Variants in GPHN observed in about 807,000 individuals in gnomAD.
GPHN encodes the protein gephyrin.
GPHN carries 17 observed loss-of-function variants against 95.5 expected under a neutral mutation model. The observed-to-expected ratio is 0.18, with a 90% CI of 0.12 to 0.27. GPHN has a LOEUF of 0.27. Ranked by LOEUF, GPHN falls within the 10% of genes least tolerant of loss-of-function variation. GPHN has a pLI of 1.00. For missense variants in GPHN, 660 were observed against 978.1 expected (o/e 0.67, Z 4.34); for synonymous variants, 320 against 322.5 (o/e 0.99, Z 0.08).
intron 8 of GPHN, among the ~76,000 whole-genome samples, chr14:66,925,704 A>G (rs765755968): frequency 6.6e-6 from 1 of 152,074 alleles, no homozygotes; most frequent in Non-Finnish European, 1.5e-5. Context: ...TAATGCTGCA[A>G]TACACATGGA....
chr14:67,584,730 A>G, the GPHN span, among the ~76,000 whole-genome samples: 1 of 152,208 alleles, frequency 6.6e-6, no homozygotes, highest in African/African-American at 2.4e-5. Context: ...AGGTTATAAG[A>G]AGTGAGAAAA....
the GPHN span, chr14:67,336,701 C>G: frequency 2.2e-6 from 1 of 455,730 alleles, no homozygotes; most frequent in Admixed American, 2.4e-5. Context: ...ATTTCCTCAT[C>G]TGCAAAGTGG....
intron 5 of GPHN, among the ~76,000 whole-genome samples, chr14:66,887,240 A>G (rs1244105030): frequency 6.6e-6 from 1 of 152,142 alleles, no homozygotes; most frequent in African/African-American, 2.4e-5. Context: ...TCTCCCATGT[A>G]ACAGGGGAGG....
the GPHN span, among the ~76,000 whole-genome samples, chr14:67,443,921 C>G: frequency 1.4e-4 from 21 of 152,196 alleles, no homozygotes; most frequent in African/African-American, 5.1e-4. Context: ...AAAAGTCAAG[C>G]TGGGAACTGC....
chr14:66,577,051 G>A lies in GPHN; in HGVS notation c.64+68460G>A, dbSNP rs112246937. Among the ~76,000 whole-genome samples the A allele has an allele frequency of 3.1e-3, 467 of 152,190 alleles. 3 individuals carry two copies. The highest frequency in any genetic ancestry group is 9.7e-3 in the South Asian group (47 of 4,824). ...ACTGAAAAAAATAGTCTATAGCAGC[G>A]CATCTGTAATTTTCATTTCAGTTTA... On this transcript the variant is annotated intron_variant, in intron 1 of 22. Transcript: ENST00000478722.
At chr14:66,722,978 A>T (rs2070891282) in intron 2 of GPHN, among the ~76,000 whole-genome samples, 1 of 151,954 alleles carries the variant, frequency 6.6e-6, no homozygotes, top group African/African-American at 2.4e-5. Flanking sequence ...ACAAACCCAC[A>T]TCCTTCATTC....
chr14:67,155,578 A>C (rs1567418767), intron 18 of GPHN, among the ~76,000 whole-genome samples: 1 of 152,238 alleles, frequency 6.6e-6, no homozygotes, highest in Non-Finnish European at 1.5e-5. Flanking sequence ...ATTCATAAGA[A>C]TCAAATTGAA....
At chr14:67,688,086 T>G in the GPHN span, among the ~76,000 whole-genome samples, 2 of 152,050 alleles carry the variant, frequency 1.3e-5, no homozygotes, top group Non-Finnish European at 1.5e-5. Context: ...GCCTCCACAT[T>G]CTATCAGTAC....
intron 2 of GPHN, among the ~76,000 whole-genome samples, chr14:66,769,871 A>G (rs1395518944): frequency 6.6e-6 from 1 of 152,046 alleles, no homozygotes; most frequent in Non-Finnish European, 1.5e-5. Flanking sequence ...GGATCAAATG[A>G]GAGTTCTGTT....
the GPHN span, among the ~76,000 whole-genome samples, chr14:67,268,126 T>A: frequency 6.6e-6 from 1 of 152,226 alleles, no homozygotes; most frequent in African/African-American, 2.4e-5. Flanking sequence ...GGAAACTGTA[T>A]GTTTAACTTT....
At chr14:67,123,159 A>T (rs2079105801) in intron 17 of GPHN, among the ~76,000 whole-genome samples, 1 of 152,224 alleles carries the variant, frequency 6.6e-6, no homozygotes, top group Admixed American at 6.5e-5. Context: ...TGAGTGATAA[A>T]TACTCATGAT....
intron 11 of GPHN, among the ~76,000 whole-genome samples, chr14:67,060,826 C>A (rs1039177078): frequency 9.9e-5 from 15 of 152,208 alleles, no homozygotes; most frequent in Middle Eastern, 3.4e-3. Context: ...GTTTCAGATA[C>A]CATTTATAAA....
At chr14:67,642,368 G>A in the GPHN span, 1 of 1,613,344 alleles carries the variant, frequency 6.2e-7, no homozygotes, top group Non-Finnish European at 8.5e-7. Context: ...CCACAGGTAA[G>A]CTGGGAGCCA....
the GPHN span, among the ~76,000 whole-genome samples, chr14:67,552,734 T>C: frequency 6.7e-6 from 1 of 148,660 alleles, no homozygotes; most frequent in Non-Finnish European, 1.5e-5. Flanking sequence ...ACCACTGCAC[T>C]CCAGCCTGGG....
the GPHN span, among the ~76,000 whole-genome samples, chr14:67,474,121 C>G: frequency 6.6e-6 from 1 of 152,090 alleles, no homozygotes; most frequent in African/African-American, 2.4e-5. Flanking sequence ...GCGTGGTGGC[C>G]CGCTCCTGTA....
chr14:67,271,907 C>G, the GPHN span: 1 of 152,164 alleles, frequency 6.6e-6, no homozygotes, highest in Non-Finnish European at 1.5e-5. Context: ...CCCGTCTCTA[C>G]TAAAAATACA....
intron 4 of GPHN, among the ~76,000 whole-genome samples, chr14:66,825,818 CAATT>C (rs2061368122): frequency 6.6e-6 from 1 of 152,142 alleles, no homozygotes; most frequent in African/African-American, 2.4e-5. Flanking sequence ...CATCCTTACA[CAATT>C]TATTTAGCTT....
At chr14:67,563,043 CCACA>C in the GPHN span, 1 of 752,614 alleles carries the variant, frequency 1.3e-6, no homozygotes, top group Non-Finnish European at 2.1e-6. Context: ...CCTGTGCAGA[CCACA>C]CAACCAGTGA....
the GPHN span, among the ~76,000 whole-genome samples, chr14:67,193,829 C>A: frequency 1.4e-5 from 2 of 146,278 alleles, no homozygotes; most frequent in South Asian, 2.2e-4. Flanking sequence ...CCTGTAATGC[C>A]AACTATTCAG....
Sources: allele counts gnomAD v4.1 joint callset (sites outside exome capture counted in the v4.1 genomes callset), GRCh38; gene constraint gnomAD v4.1.1; transcripts MANE v1.5; gene names NCBI Gene and HGNC (gene_info 2026-07-23, HGNC 2026-07-21).